CHIA: variants seen among roughly 807,000 people sequenced by gnomAD.
The protein encoded by CHIA is chitinase acidic.
A neutral mutation model predicts 53.5 loss-of-function variants in CHIA; 47 were observed. That is an observed-to-expected ratio of 0.88 (90% CI 0.70 to 1.12). CHIA has a LOEUF of 1.12. Ranked by LOEUF, CHIA falls within the 50% of genes most tolerant of loss-of-function variation. The pLI is 0.00. For missense variants in CHIA, 652 were observed against 592.2 expected, an observed-to-expected ratio of 1.10 and a Z score of -1.05; for synonymous variants, 268 against 222.2, an observed-to-expected ratio of 1.21 and a Z score of -1.83.
intron 1 of CHIA, among the ~76,000 whole-genome samples, chr1:111,307,345 T>C (rs2101628925): frequency 6.6e-6 from 1 of 152,240 alleles, no homozygotes; most frequent in Admixed American, 6.5e-5. Flanking sequence ...ATGCAAGAAA[T>C]AGAAGAATGC....
chr1:111,311,633 G>A, intron 2 of CHIA, 56 bp from the exon 3 acceptor site: 1 of 1,593,564 alleles, frequency 6.3e-7, no homozygotes, highest in South Asian at 1.1e-5. Context: ...TTCAGAATTA[G>A]ATTCTACGGG....
chr1:111,315,189 G>T (rs759630778), intron 5 of CHIA, 81 bp from the exon 6 acceptor site: 28 of 1,029,092 alleles, frequency 2.7e-5, no homozygotes, highest in Non-Finnish European at 4.0e-5. Flanking sequence ...AGGGCTCTGA[G>T]GCAGGAATTG....
chr1:111,316,371 T>A (rs1649159437), intron 6 of CHIA: 1 of 153,590 alleles, frequency 6.5e-6, no homozygotes, highest in African/African-American at 2.4e-5. Context: ...TGGATAGAAT[T>A]AGGAGGTTAT....
At chr1:111,309,988 C>T (rs1404610567) in intron 1 of CHIA, among the ~76,000 whole-genome samples, 1 of 152,118 alleles carries the variant, frequency 6.6e-6, no homozygotes, top group Non-Finnish European at 1.5e-5. Flanking sequence ...AGGAAGATTT[C>T]TTAGGCACTG....
At chr1:111,310,107 TG>T (rs1648542175) in intron 1 of CHIA, among the ~76,000 whole-genome samples, 1 of 152,232 alleles carries the variant, frequency 6.6e-6, no homozygotes, top group Admixed American at 6.5e-5. Flanking sequence ...CTTGCTTTGA[TG>T]CCAGACACAA....
chr1:111,299,225 C>G (rs1025508013), intron 1 of CHIA, among the ~76,000 whole-genome samples: 1 of 152,168 alleles, frequency 6.6e-6, no homozygotes, highest in Non-Finnish European at 1.5e-5. Flanking sequence ...GGAATCCTCC[C>G]TAACTCATTT....
chr1:111,318,018 A>C lies in CHIA; in HGVS notation c.638A>C (p.Asp213Ala). 1.2e-6 allele frequency: 2 copies of C among 1,613,930 alleles called. No homozygotes were observed. Among genetic ancestry groups the C allele is most frequent in the Non-Finnish European group, 1.7e-6 (2 of 1,179,974 alleles). ...YLDYIHVMTY[D>A]LHGSWEGYTG... ...GACTACATCCATGTCATGACCTACG[A>C]CCTCCATGGCTCCTGGGAGGGCTAC... The change falls in exon 8 of 12, where the codon GAC becomes GCC. Residue 213 changes from aspartate to alanine, a missense_variant. Physicochemically the swap from Asp to Ala is moderately radical, Grantham distance 126 (BLOSUM62 -2). Transcript: ENST00000369740.
intron 1 of CHIA, among the ~76,000 whole-genome samples, chr1:111,294,280 A>G (rs1243413503): frequency 6.6e-6 from 1 of 152,188 alleles, no homozygotes; most frequent in African/African-American, 2.4e-5. Context: ...CTTTCACTTC[A>G]TTAAGTTAAT....
chr1:111,308,727 A>C (rs1271157393), intron 1 of CHIA, among the ~76,000 whole-genome samples: 2 of 152,154 alleles, frequency 1.3e-5, no homozygotes, highest in East Asian at 1.9e-4. Flanking sequence ...TGGAAAATAA[A>C]ATTGGAGTTT....
Position 111,312,232 on chromosome 1 carries a change from A to G in CHIA, c.98A>G (p.Gln33Arg), listed in dbSNP as rs779249634. Residue 33 changes from glutamine to arginine, a missense_variant, in exon 4 of 12, where the codon CAG becomes CGG. Transcript: ENST00000369740. ...ACATGCTACTTCACCAACTGGGCCC[A>G]GTACCGGCCAGGCCTGGGGCGCTTC... ...QLTCYFTNWAQYRPGLGRFMP... is the reference protein window; with the variant it reads ...QLTCYFTNWARYRPGLGRFMP... 7.4e-6 allele frequency: 12 copies of G among 1,614,024 alleles called. No individual in the cohort carries two copies. Among genetic ancestry groups the G allele is most frequent in the Non-Finnish European group, 1.0e-5 (12 of 1,180,022 alleles).
intron 2 of CHIA, among the ~76,000 whole-genome samples, chr1:111,310,999 AT>A (rs1648617962): frequency 6.6e-6 from 1 of 152,232 alleles, no homozygotes; most frequent in African/African-American, 2.4e-5. Flanking sequence ...TACCATAAAC[AT>A]GTTAGAAATT....
chr1:111,302,519 G>T (rs965489054), intron 1 of CHIA, among the ~76,000 whole-genome samples: 1 of 152,054 alleles, frequency 6.6e-6, no homozygotes, highest in African/African-American at 2.4e-5. Flanking sequence ...CTATTATTAA[G>T]AGTGTGTTGT....
Position 111,300,545 on chromosome 1 carries a change from C to T in CHIA, c.-69+9595C>T, listed in dbSNP as rs1477541517. Among the ~76,000 whole-genome samples the T allele has an allele frequency of 6.6e-5, 10 of 152,148 alleles. No homozygotes were observed. In the East Asian group the frequency reaches 1.9e-3, roughly 29 times the overall value. ...GCTAGCCATATGTAGGAAGCTGAAC[C>T]TGGATCTCTTCCTTACACCTTACAC... On this transcript the variant is annotated intron_variant, in intron 1 of 11. Transcript: ENST00000369740.
chr1:111,300,454 C>A (rs1647623940), intron 1 of CHIA, among the ~76,000 whole-genome samples: 1 of 152,158 alleles, frequency 6.6e-6, no homozygotes, highest in Non-Finnish European at 1.5e-5. Context: ...TGATCTTTGA[C>A]AAACCTGACA....
intron 7 of CHIA, 33 bp from the exon 8 acceptor site, chr1:111,317,953 C>G (rs761032740): frequency 6.2e-7 from 1 of 1,613,752 alleles, no homozygotes; most frequent in Non-Finnish European, 8.5e-7. Flanking sequence ...AAATGACCAT[C>G]AGAATGATTT....
intron 1 of CHIA, among the ~76,000 whole-genome samples, chr1:111,305,752 G>T (rs892432962): frequency 6.6e-6 from 1 of 152,104 alleles, no homozygotes; most frequent in South Asian, 2.1e-4. Flanking sequence ...CTCAGAATTC[G>T]TTCCTCATTT....
Position 111,318,487 on chromosome 1 carries a change from T to A in CHIA, c.730-6T>A, listed in dbSNP as rs373901095. Reference sequence around the variant, plus strand: ...GGGCCATGTAACTAACCCACTGACATTGCAGGATTATGTCATGAACTACTG... The same window carrying A: ...GGGCCATGTAACTAACCCACTGACAATGCAGGATTATGTCATGAACTACTG... On this transcript the variant is annotated splice_region_variant and splice_polypyrimidine_tract_variant and intron_variant, in intron 8 of 11. Transcript: ENST00000369740. 2.5e-6 allele frequency: 4 copies of A among 1,611,258 alleles called. No individual in the cohort carries two copies. In the African/African-American group the frequency reaches 5.3e-5, roughly 22 times the overall value.
chr1:111,315,109 G>GT, intron 5 of CHIA, 161 bp from the exon 6 acceptor site: 1 of 629,390 alleles, frequency 1.6e-6, no homozygotes. Flanking sequence ...GCTGGGAAGA[G>GT]TAGTGATTAC....
At chr1:111,298,471 G>C (rs1042287788) in intron 1 of CHIA, among the ~76,000 whole-genome samples, 17 of 152,198 alleles carry the variant, frequency 1.1e-4, no homozygotes, top group African/African-American at 3.9e-4. Flanking sequence ...CATGGAAAGT[G>C]AACAACCTGC....
Sources: gnomAD v4.1 joint callset for allele counts (sites outside exome capture counted in the v4.1 genomes callset) on GRCh38, gnomAD v4.1.1 for gene constraint, MANE v1.5 for transcripts, NCBI Gene and HGNC (gene_info 2026-07-23, HGNC 2026-07-21) for gene names.